SYNE1: variants seen among roughly 807,000 people sequenced by gnomAD.
SYNE1 encodes the protein spectrin repeat containing nuclear envelope protein 1.
In SYNE1, 616 loss-of-function variants were observed where a neutral mutation model predicts 1,111.0. That is an observed-to-expected ratio of 0.55 (90% CI 0.52 to 0.59). The LOEUF (loss-of-function observed/expected upper bound fraction) is 0.59. Among genes scored for constraint, SYNE1 ranks in the 20% least tolerant of loss-of-function variants. The pLI is 0.00. For synonymous variants in SYNE1, 3,855 were observed against 3,825.8 expected (o/e 1.01, Z -0.28); for missense variants, 10,006 against 10,417.0 (o/e 0.96, Z 1.72).
At chr6:152,393,391 C>A (rs1362167848) in intron 51 of SYNE1, among the ~76,000 whole-genome samples, 1 of 151,938 alleles carries the variant, frequency 6.6e-6, no homozygotes, top group African/African-American at 2.4e-5. Context: ...TATATTGTAT[C>A]TAGACACGAG....
chr6:152,125,182 C>T, intron 145 of SYNE1: 2 of 1,480,194 alleles, frequency 1.4e-6, no homozygotes, highest in Admixed American at 2.1e-5. Flanking sequence ...AATCCCTGCC[C>T]ACCGCACTCT....
chr6:152,331,987 G>A (rs2096258012), intron 77 of SYNE1, 97 bp from the exon 78 acceptor site: 3 of 1,557,896 alleles, frequency 1.9e-6, no homozygotes, highest in Non-Finnish European at 2.6e-6. Context: ...TTTTCTTTTT[G>A]GAGACTGAGT....
chr6:152,224,516 T>A lies in SYNE1; in HGVS notation c.21500A>T (p.Gln7167Leu). Residue 7167 changes from glutamine (Q) to leucine (L), a missense_variant, in exon 117 of 146, where the codon CAA (glutamine) becomes CTA (leucine). Physicochemically the swap from Gln to Leu is moderately radical, Grantham distance 113 (BLOSUM62 -2). Around this residue, in one of 7 missense-constraint regions of SYNE1, gnomAD observed 2,182 missense variants for 2,287.8 expected, o/e 0.95. Transcript: ENST00000367255. ...RLLTGSLEAVQVQVDNLQNLQ... is the reference protein window; with the variant it reads ...RLLTGSLEAVLVQVDNLQNLQ... ...TACCTGAAGATTGTCCACCTGAACT[T>A]GCACAGCTTCTAAGGAGCCAGTCAG... 2 of 1,614,068 alleles carry A rather than the reference T, an allele frequency of 1.2e-6. No homozygotes were observed. The highest frequency in any genetic ancestry group is 1.7e-6 in the Non-Finnish European group (2 of 1,179,956).
At chr6:152,524,791 C>T (rs1433279315) in intron 5 of SYNE1, among the ~76,000 whole-genome samples, 1 of 152,156 alleles carries the variant, frequency 6.6e-6, no homozygotes, top group African/African-American at 2.4e-5. Flanking sequence ...CTCAGTCCCA[C>T]TGATGACTCT....
intron 3 of SYNE1, among the ~76,000 whole-genome samples, chr6:152,612,074 A>G (rs2099632896): frequency 6.6e-6 from 1 of 151,688 alleles, no homozygotes; most frequent in Non-Finnish European, 1.5e-5. Flanking sequence ...CCCTAACATC[A>G]CAATTAAAAG....
chr6:152,425,530 A>C lies in SYNE1; in HGVS notation c.5118T>G (p.Val1706=), dbSNP rs1459732146. The C allele has an allele frequency of 1.2e-6, 2 of 1,614,060 alleles. No individual in the cohort carries two copies. Among genetic ancestry groups the C allele is most frequent in the African/African-American group, 2.7e-5 (2 of 74,944 alleles). ...TGCTATAGAATGAGGCCTGGGATAC[A>C]ACTTCATTTTGCAGTGCCTGAAAAA... ...LQLIQALQNE[V]VSQASFYSKL... is the part of the protein sequence containing the mutation. Residue 1706 remains valine (V), a synonymous_variant, in exon 39 of 146, where the codon GTT becomes GTG. Transcript: ENST00000367255.
intron 77 of SYNE1, among the ~76,000 whole-genome samples, chr6:152,332,875 G>A (rs1474050480): frequency 6.6e-6 from 1 of 152,188 alleles, no homozygotes; most frequent in African/African-American, 2.4e-5. Flanking sequence ...GCAGGGTTGG[G>A]AGGCAGTATG....
intron 123 of SYNE1, among the ~76,000 whole-genome samples, chr6:152,212,795 T>C (rs113347249): frequency 9.5e-4 from 145 of 152,332 alleles, no homozygotes; most frequent in African/African-American, 3.4e-3. Flanking sequence ...CCAAAATTTG[T>C]TATTTTTTCA....
chr6:152,128,114 T>A (rs2054160756), intron 145 of SYNE1: 1 of 152,208 alleles, frequency 6.6e-6, no homozygotes, highest in Non-Finnish European at 1.5e-5. Context: ...GCTGTCAATT[T>A]CAACTCAGTT....
Position 152,201,944 on chromosome 6 carries a change from C to G in SYNE1, c.23025G>C (p.Trp7675Cys). 6.2e-7 allele frequency: 1 copy of G among 1,613,848 alleles called. No homozygotes were observed. The highest frequency in any genetic ancestry group is 1.1e-5 in the South Asian group (1 of 91,076). ...CTGCTATTCCTTTCTCACATTTTTCCCAGTCCTATCATGGGAATAAAAACA... is the reference window on the plus strand; with the variant it reads ...CTGCTATTCCTTTCTCACATTTTTCGCAGTCCTATCATGGGAATAAAAACA... ...KKKLAFLLKD[W>C]EKCEKGIADS... is the part of the protein sequence containing the mutation. The change falls in exon 127 of 146, where the codon TGG (tryptophan) becomes TGC (cysteine). Residue 7675 changes from tryptophan (W) to cysteine (C), a missense_variant. Physicochemically the swap from Trp to Cys is radical, Grantham distance 215. This residue lies in a region of SYNE1 where 2,182 missense variants were observed against 2,287.8 expected (regional missense o/e 0.95). Coordinates refer to ENST00000367255, the MANE Select transcript of SYNE1 (RefSeq NM_182961.4).
chr6:152,250,424 T>C (rs888723848), intron 104 of SYNE1, among the ~76,000 whole-genome samples: 2 of 152,276 alleles, frequency 1.3e-5, no homozygotes, highest in Admixed American at 1.3e-4. Flanking sequence ...ATTCTGACTG[T>C]CTAATGAGTG....
intron 48 of SYNE1, among the ~76,000 whole-genome samples, chr6:152,399,321 G>A (rs999593948): frequency 4.6e-5 from 7 of 152,180 alleles, no homozygotes; most frequent in Admixed American, 4.6e-4. Flanking sequence ...TTGAGCAGTG[G>A]AAGTAATTTT....
chr6:152,269,108 T>G, intron 99 of SYNE1, 47 bp downstream of exon 99: 1 of 1,613,908 alleles, frequency 6.2e-7, no homozygotes, highest in Non-Finnish European at 8.5e-7. Context: ...TCTCAGGTTC[T>G]TCTCTGGGCA....
chr6:152,465,153 A>T, intron 18 of SYNE1, 105 bp downstream of exon 18: 1 of 1,283,772 alleles, frequency 7.8e-7, no homozygotes, highest in Non-Finnish European at 1.1e-6. Flanking sequence ...AAGATTCTTG[A>T]GTGACACTTG....
At chr6:152,262,802 T>C (rs183050184) in intron 100 of SYNE1, among the ~76,000 whole-genome samples, 1 of 146,000 alleles carries the variant, frequency 6.8e-6, no homozygotes, top group Admixed American at 6.9e-5. Context: ...GGGAAGGAAG[T>C]ATAGGACATG....
Position 152,230,622 on chromosome 6 carries a change from G to A in SYNE1, c.21120C>T (p.Thr7040=), listed in dbSNP as rs1404829099. 1 of 1,613,774 alleles carries A rather than the reference G, an allele frequency of 6.2e-7. No homozygotes were observed. The highest frequency in any genetic ancestry group is 1.1e-5 in the South Asian group (1 of 91,074). ...NVQCLKTWFE[T]QEKRLKQQHR... is the part of the protein sequence containing the mutation. ...GCTGTTGTTTTAGTCTCTTTTCCTG[G>A]GTTTCAAACCATGTTTTCAGACATT... The change falls in exon 115 of 146, where the codon ACC becomes ACT. Residue 7040 remains threonine (T), a synonymous_variant. Coordinates refer to ENST00000367255, the MANE Select transcript of SYNE1 (RefSeq NM_182961.4).
chr6:152,630,720 C>T (rs2099696523), intron 2 of SYNE1, among the ~76,000 whole-genome samples: 2 of 152,214 alleles, frequency 1.3e-5, no homozygotes, highest in Non-Finnish European at 2.9e-5. Flanking sequence ...ATACCCCACT[C>T]CAAGCTGGGC....
rs149415204 is a variant in SYNE1 at position 152,449,556 on chromosome 6, C to T, written c.3481G>A (p.Gly1161Arg). ...ACTTCAACGGCACGTTTAACCTCTCCGTGGTTGGCAGTATCGATGGCCTCA... is the reference window on the plus strand; with the variant it reads ...ACTTCAACGGCACGTTTAACCTCTCTGTGGTTGGCAGTATCGATGGCCTCA... ...KGEAIDTANHGEVKRAVEEIR... is the reference protein window; with the variant it reads ...KGEAIDTANHREVKRAVEEIR... Residue 1161 changes from glycine to arginine, a missense_variant, in exon 28 of 146, where the codon GGA (glycine) becomes AGA (arginine). This residue lies in a region of SYNE1 where 1,971 missense variants were observed against 2,084.1 expected (regional missense o/e 0.95). Coordinates refer to ENST00000367255, the MANE Select transcript of SYNE1 (RefSeq NM_182961.4). 154 of 1,613,944 alleles carry T rather than the reference C, an allele frequency of 9.5e-5. No individual in the cohort carries two copies. In the East Asian group the frequency reaches 3.2e-3, roughly 34 times the overall value.
intron 124 of SYNE1, among the ~76,000 whole-genome samples, chr6:152,209,139 A>T (rs939211757): frequency 1.3e-5 from 2 of 152,144 alleles, no homozygotes; most frequent in Non-Finnish European, 2.9e-5. Flanking sequence ...AATACTAAAC[A>T]CTTGCACTTC....
Sources: allele counts gnomAD v4.1 joint callset (sites outside exome capture counted in the v4.1 genomes callset), GRCh38; gene constraint gnomAD v4.1.1; regional missense constraint gnomAD v4.1.1; transcripts MANE v1.5; gene names NCBI Gene and HGNC (gene_info 2026-07-23, HGNC 2026-07-21).